The following EML3 variants were observed in gnomAD, a reference collection of about 807,000 sequenced individuals.
EML3 encodes the protein echinoderm microtubule-associated protein-like 3.
EML3 carries 53 observed loss-of-function variants against 106.7 expected under a neutral mutation model. That is an observed-to-expected ratio of 0.50 (90% CI 0.40 to 0.62). EML3 has a LOEUF of 0.62. Ranked by LOEUF, EML3 falls within the 20% of genes least tolerant of loss-of-function variation. The pLI is 0.00. For synonymous variants in EML3, 499 were observed against 489.6 expected (o/e 1.02, Z -0.25); for missense variants, 994 against 1,209.1 (o/e 0.82, Z 2.64).
In EML3 at chr11:62,602,408, TGGGCC is replaced by T. The variant is rs756593487; in HGVS notation, c.*62_*66del. 1.1e-5 allele frequency: 12 copies of T among 1,129,522 alleles called. No homozygotes were observed. The highest frequency in any genetic ancestry group is 1.9e-5 in the African/African-American group (1 of 53,690). The allele number at this position is 1,129,522 out of a possible 1,614,324, so 70.0% of individuals were successfully genotyped here. A position where few individuals can be genotyped will look rare whatever the true frequency, so the allele number is the denominator to read the frequency against. ...GAGTCGGCCCCTAGTCGTGGGGGAT[TGGGCC>T]AGGGAAGGGCAGGGCGGGGCGGGGC... On this transcript the variant is annotated 3_prime_UTR_variant, in exon 22 of 22. Coordinates refer to ENST00000394773, the MANE Select transcript of EML3 (RefSeq NM_153265.3).
intron 9 of EML3, 98 bp from the exon 10 acceptor site, chr11:62,608,394 C>A: frequency 1.4e-6 from 2 of 1,383,150 alleles, no homozygotes; most frequent in Non-Finnish European, 2.0e-6. Flanking sequence ...ATGGAGAGGG[C>A]AGAAAAAGTT....
chr11:62,609,002 C>T lies in EML3; in HGVS notation c.889G>A (p.Gly297Ser), dbSNP rs780981810. Residue 297 changes from glycine (G) to serine (S), a missense_variant, in exon 7 of 22, where the codon GGC (glycine) becomes AGC (serine). Transcript: ENST00000394773. ...GTGTGCCCCCGGTAATGTCTCTGGC[C>T]GCCACCTCCAGGACCCCCTGGGCCT... ...GGGPGGPGGG[G>S]QRHYRGHTDC... The T allele has an allele frequency of 1.7e-5, 28 of 1,613,938 alleles. No homozygotes were observed. The highest frequency in any genetic ancestry group is 3.3e-5 in the Admixed American group (2 of 60,018).
Position 62,602,849 on chromosome 11 carries a change from G to A in EML3, c.2397C>T (p.Ser799=), listed in dbSNP as rs766129011. 5 of 1,602,776 alleles carry A rather than the reference G, an allele frequency of 3.1e-6. No individual in the cohort carries two copies. The highest frequency in any genetic ancestry group is 3.4e-6 in the Non-Finnish European group (4 of 1,175,024). ...PDGSDGTDIN[S]LCRSHNERVV... ...CGCGCTCGTTGTGGGAGCGGCACAG[G>A]GAGTTGATGTCGGTCCCATCGGAGC... Residue 799 remains serine (S), a synonymous_variant, in exon 21 of 22, where the codon TCC becomes TCT. Transcript: ENST00000394773.
chr11:62,606,857 A>C, intron 12 of EML3, 101 bp downstream of exon 12: 74 of 244,330 alleles, frequency 3.0e-4, no homozygotes, highest in South Asian at 1.5e-3. Flanking sequence ...ACCTCATCTC[A>C]AAAAAAAAAA....
chr11:62,603,782 G>C lies in EML3; in HGVS notation c.2204C>G (p.Ser735Cys). The change falls in exon 19 of 22, where the codon TCC (serine) becomes TGC (cysteine). Residue 735 changes from serine (S) to cysteine (C), a missense_variant. This residue lies in a region of EML3 where 713 missense variants were observed against 920.5 expected (regional missense o/e 0.77). Transcript: ENST00000394773. Reference sequence around the variant, plus strand: ...GGACATGATGAAATTCCCATCCTTGGACCAGTCAAGATGAGTGATGAAGCT... The same window carrying C: ...GGACATGATGAAATTCCCATCCTTGCACCAGTCAAGATGAGTGATGAAGCT... The part of the protein sequence containing the change: ...HSSFITHLDW[S>C]KDGNFIMSNS... 1 of 1,614,060 alleles carries C rather than the reference G, an allele frequency of 6.2e-7. No homozygotes were observed. Among genetic ancestry groups the C allele is most frequent in the Non-Finnish European group, 8.5e-7 (1 of 1,180,020 alleles).
intron 17 of EML3, 28 bp downstream of exon 17, chr11:62,604,085 G>T: frequency 1.2e-6 from 2 of 1,613,876 alleles, no homozygotes; most frequent in Middle Eastern, 1.6e-4. Context: ...AGGGACGCAT[G>T]TGAGTCCAGG....
rs763279102 is a variant in EML3 at position 62,610,999 on chromosome 11, G to A, written c.453-7C>T. 1.9e-6 allele frequency: 3 copies of A among 1,612,498 alleles called. No homozygotes were observed. The highest frequency in any genetic ancestry group is 2.2e-5 in the South Asian group (2 of 90,982). The stretch of plus-strand genomic sequence containing the variant: ...GGAAGAATTTCTTCGCGGCCTGGTG[G>A]GGGCATAGTGAAGGTCATTCCCTCC... On this transcript the variant is annotated splice_polypyrimidine_tract_variant and splice_region_variant and intron_variant, in intron 3 of 21. Coordinates refer to ENST00000394773, the MANE Select transcript of EML3 (RefSeq NM_153265.3).
chr11:62,611,809 T>C (rs1257927829), intron 1 of EML3: 1 of 591,144 alleles, frequency 1.7e-6, no homozygotes, highest in Non-Finnish European at 2.9e-6. Context: ...CAAAGCTCCC[T>C]TCCTGCTGCC....
In EML3 at chr11:62,606,046, C is replaced by A. The variant is rs1394413771; in HGVS notation, c.1656+17G>T. 1 of 1,613,758 alleles carries A rather than the reference C, an allele frequency of 6.2e-7. No individual in the cohort carries two copies. ...TGCTCTTCTCCCTCACTCCCTTGAC[C>A]CCAGCCCAGCCCTCACCTCAGCCTC... On this transcript the variant is annotated intron_variant, in intron 13 of 21. Transcript: ENST00000394773.
chr11:62,610,598 A>G (rs1464994309), intron 4 of EML3, among the ~76,000 whole-genome samples: 1 of 152,186 alleles, frequency 6.6e-6, no homozygotes, highest in African/African-American at 2.4e-5. Flanking sequence ...GTGTGACCCC[A>G]GGCAAATGAC....
At chr11:62,608,165 A>G in intron 10 of EML3, 36 bp downstream of exon 10, 1 of 1,601,142 alleles carries the variant, frequency 6.2e-7, no homozygotes, top group Non-Finnish European at 8.6e-7. Flanking sequence ...CCCACCCCCA[A>G]CCTCAGAGCC....
chr11:62,603,380 C>A (rs763397412), intron 19 of EML3, 133 bp from the exon 20 acceptor site: 1 of 806,408 alleles, frequency 1.2e-6, no homozygotes, highest in Non-Finnish European at 2.0e-6. Flanking sequence ...AGTAGCATCA[C>A]CTCCTCCCCC....
At position 62,612,654 on chromosome 11, in the gene EML3, C is replaced by A; in HGVS notation, c.-197G>T. ...TGGGCCCGGGGCCGCAGTCTCCAGA[C>A]CCCCCCGGGCCCTCGGACTCTCCCG... On this transcript the variant is annotated 5_prime_UTR_variant, in exon 1 of 22. Coordinates refer to ENST00000394773, the MANE Select transcript of EML3 (RefSeq NM_153265.3). 1 of 412,910 alleles carries A rather than the reference C, an allele frequency of 2.4e-6. No homozygotes were observed. Among genetic ancestry groups the A allele is most frequent in the East Asian group, 4.0e-5 (1 of 25,104 alleles). The allele number at this position is 412,910 out of a possible 1,614,324, so 25.6% of individuals were successfully genotyped here.
At chr11:62,610,670 C>T (rs1942763458) in intron 4 of EML3, among the ~76,000 whole-genome samples, 1 of 152,188 alleles carries the variant, frequency 6.6e-6, no homozygotes, top group Non-Finnish European at 1.5e-5. Flanking sequence ...ACCTAACCCC[C>T]AAGGATGTTG....
Position 62,608,817 on chromosome 11 carries a change from G to T in EML3, c.930-12C>A. 1 of 1,566,558 alleles carries T rather than the reference G, an allele frequency of 6.4e-7. No homozygotes were observed. Among genetic ancestry groups the T allele is most frequent in the Non-Finnish European group, 8.7e-7 (1 of 1,153,732 alleles). ...GGTGAACAGCAAGGCTAAGGCAGGG[G>T]GAAGACACTCTAGGGAAAGGGTCTC... is the stretch of plus-strand genomic sequence containing the variant. On this transcript the variant is annotated splice_polypyrimidine_tract_variant and intron_variant, in intron 7 of 21. Coordinates refer to ENST00000394773, the MANE Select transcript of EML3 (RefSeq NM_153265.3).
rs1942610655 is a variant in EML3 at position 62,607,782 on chromosome 11, G to A, written c.1246C>T (p.Arg416Cys). 5 of 1,614,022 alleles carry A rather than the reference G, an allele frequency of 3.1e-6. No homozygotes were observed. Among genetic ancestry groups the A allele is most frequent in the East Asian group, 2.2e-5 (1 of 44,882 alleles). The change falls in exon 11 of 22, where the codon CGT (arginine) becomes TGT (cysteine). Residue 416 changes from arginine to cysteine, a missense_variant. Arg to Cys is a radical substitution (Grantham distance 180). This residue lies in a region of EML3 where 713 missense variants were observed against 920.5 expected (regional missense o/e 0.77). Transcript: ENST00000394773. ...CTGGTGACGATGCAGCTGCTGTCAC[G>A]AGGGTTGAAGCCAACGGCCAGGACT... ...DSVLAVGFNPRDSSCIVTSGK... is the reference protein window; with the variant it reads ...DSVLAVGFNPCDSSCIVTSGK...
rs934507710 is a variant in EML3 at position 62,607,025 on chromosome 11, C to T, written c.1437G>A (p.Glu479=). The change falls in exon 12 of 22, where the codon GAG becomes GAA. Residue 479 remains glutamate (E), a synonymous_variant. Coordinates refer to ENST00000394773, the MANE Select transcript of EML3 (RefSeq NM_153265.3). The part of the protein sequence containing the change: ...PDGDILTGDS[E]GNILTWGRSP... ...TCCGCCCCCAGGTGAGAATGTTCCC[C>T]TCTGAGTCTCCAGTGAGAATGTCTC... 9.3e-6 allele frequency: 15 copies of T among 1,614,180 alleles called. No homozygotes were observed. The highest frequency in any genetic ancestry group is 9.3e-6 in the Non-Finnish European group (11 of 1,180,016).
Position 62,603,746 on chromosome 11 carries a change from T to C in EML3, c.2240A>G (p.Asp747Gly). ...DGNFIMSNSG[D>G]YEILYWDVAG... is the part of the protein sequence containing the mutation. The stretch of plus-strand genomic sequence containing the variant: ...CCACTCACAGTAAAGAATCTCATAG[T>C]CCCCAGAATTGGACATGATGAAATT... Residue 747 changes from aspartate (D) to glycine (G), a missense_variant, in exon 19 of 22, where the codon GAC becomes GGC. This residue lies in a region of EML3 where 713 missense variants were observed against 920.5 expected (regional missense o/e 0.77). Transcript: ENST00000394773. 1 of 1,613,994 alleles carries C rather than the reference T, an allele frequency of 6.2e-7. No homozygotes were observed. The highest frequency in any genetic ancestry group is 8.5e-7 in the Non-Finnish European group (1 of 1,179,996).
intron 9 of EML3, 45 bp from the exon 10 acceptor site, chr11:62,608,341 G>C: frequency 1.3e-6 from 2 of 1,546,144 alleles, no homozygotes; most frequent in South Asian, 1.1e-5. Context: ...AACCCTGGAG[G>C]TCCAGGGGTT....
Sources: gnomAD v4.1 joint callset for allele counts (sites outside exome capture counted in the v4.1 genomes callset) on GRCh38, gnomAD v4.1.1 for gene constraint, gnomAD v4.1.1 regional missense constraint, MANE v1.5 for transcripts, NCBI Gene and HGNC (gene_info 2026-07-23, HGNC 2026-07-21) for gene names.